Variants in PRLR observed in about 807,000 individuals in gnomAD.
PRLR encodes prolactin receptor.
In PRLR, 13 loss-of-function variants were observed where a neutral mutation model predicts 40.2. The ratio of observed to expected loss-of-function variants is 0.32; its 90% CI spans 0.21 to 0.51. The LOEUF is 0.51. Among genes scored for constraint, PRLR ranks in the 20% least tolerant of loss-of-function variants. The pLI, the probability that PRLR is intolerant of heterozygous loss-of-function variation, is 0.97. For synonymous variants in PRLR, 269 were observed against 278.7 expected (o/e 0.97, Z 0.35); for missense variants, 656 against 747.3 (o/e 0.88, Z 1.42).
intron 1 of PRLR, among the ~76,000 whole-genome samples, chr5:35,153,447 C>G (rs1026328111): frequency 6.6e-5 from 10 of 152,192 alleles, no homozygotes; most frequent in African/African-American, 2.4e-4. Context: ...GATTTAGACC[C>G]TCATCCTCAA....
intron 1 of PRLR, among the ~76,000 whole-genome samples, chr5:35,198,872 GA>G (rs1199473517): frequency 6.6e-6 from 1 of 152,190 alleles, no homozygotes; most frequent in Non-Finnish European, 1.5e-5. Context: ...GCTGTTAGCA[GA>G]TGATCTGCCT....
At chr5:35,093,613 G>A (rs1375632109) in intron 2 of PRLR, among the ~76,000 whole-genome samples, 1 of 152,200 alleles carries the variant, frequency 6.6e-6, no homozygotes, top group Admixed American at 6.5e-5. Flanking sequence ...CAGGGATTCT[G>A]AGGTTCTTTT....
intron 2 of PRLR, among the ~76,000 whole-genome samples, chr5:35,111,670 T>A (rs1396673921): frequency 2.0e-5 from 3 of 152,216 alleles, no homozygotes; most frequent in Admixed American, 1.3e-4. Context: ...TAGATCGTGT[T>A]ACAGTCATAT....
rs184580161 is a variant in PRLR at position 35,056,751 on chromosome 5, A to T, written c.*8338T>A. 7.4e-4 allele frequency: 112 copies of T among 152,262 alleles called. 1 individual carries two copies. The highest frequency in any genetic ancestry group is 2.5e-3 in the African/African-American group (102 of 41,556). 9.4% of individuals were successfully genotyped at this position (152,262 alleles called of 1,614,324 possible). A position where few individuals can be genotyped will look rare whatever the true frequency, so the allele number is the denominator to read the frequency against. On this transcript the variant is annotated 3_prime_UTR_variant, in exon 10 of 10. Coordinates refer to ENST00000618457, the MANE Select transcript of PRLR (RefSeq NM_000949.7). ...CCTTAAAAATATAAGAGGGCCCAAGAATTAAAGGCAGTTGGCTTCAATATA... is the reference window on the plus strand; with the variant it reads ...CCTTAAAAATATAAGAGGGCCCAAGTATTAAAGGCAGTTGGCTTCAATATA...
intron 1 of PRLR, among the ~76,000 whole-genome samples, chr5:35,215,565 A>T (rs1190128208): frequency 6.6e-6 from 1 of 152,166 alleles, no homozygotes; most frequent in Non-Finnish European, 1.5e-5. Flanking sequence ...CAGATGAAAA[A>T]GTGAGACAGA....
chr5:35,128,985 T>C (rs1047983379), intron 1 of PRLR, among the ~76,000 whole-genome samples: 1 of 152,190 alleles, frequency 6.6e-6, no homozygotes, highest in Non-Finnish European at 1.5e-5. Flanking sequence ...CCAGTCAGTG[T>C]TCAAAATCAG....
intron 1 of PRLR, among the ~76,000 whole-genome samples, chr5:35,152,608 G>T (rs1215070477): frequency 1.3e-5 from 2 of 152,150 alleles, no homozygotes; most frequent in Non-Finnish European, 2.9e-5. Context: ...TACAAGTATT[G>T]TCTAAGTAAG....
intron 2 of PRLR, among the ~76,000 whole-genome samples, chr5:35,108,090 A>G (rs1772391868): frequency 1.3e-5 from 2 of 152,230 alleles, no homozygotes; most frequent in Non-Finnish European, 2.9e-5. Context: ...CAATAAACGT[A>G]ATCCAGCATA....
intron 5 of PRLR, among the ~76,000 whole-genome samples, chr5:35,078,918 A>G (rs1770307222): frequency 6.6e-6 from 1 of 152,240 alleles, no homozygotes; most frequent in South Asian, 2.1e-4. Flanking sequence ...GCAAATCAAT[A>G]AATGTAATCC....
chr5:35,080,120 T>C (rs963312124), intron 5 of PRLR, among the ~76,000 whole-genome samples: 10 of 152,278 alleles, frequency 6.6e-5, no homozygotes, highest in Admixed American at 4.6e-4. Flanking sequence ...ATTCAGGACA[T>C]AGGCATGGGC....
chr5:35,211,246 C>T (rs780473252), intron 1 of PRLR, among the ~76,000 whole-genome samples: 1 of 152,110 alleles, frequency 6.6e-6, no homozygotes, highest in Non-Finnish European at 1.5e-5. Flanking sequence ...CAATTTCTCC[C>T]CCACTTTCAC....
chr5:35,102,514 T>TCCTCG (rs1771962094), intron 2 of PRLR, among the ~76,000 whole-genome samples: 1 of 128,970 alleles, frequency 7.8e-6, no homozygotes, highest in Non-Finnish European at 1.6e-5. Flanking sequence ...TCCTCTCCTC[T>TCCTCG]CCTCTCCTCT....
At chr5:35,197,342 T>C (rs964898832) in intron 1 of PRLR, among the ~76,000 whole-genome samples, 7 of 152,190 alleles carry the variant, frequency 4.6e-5, no homozygotes, top group Admixed American at 2.0e-4. Flanking sequence ...TTTTGTTTTT[T>C]CTTTCTCTGA....
At chr5:35,137,165 A>G (rs1387662058) in intron 1 of PRLR, among the ~76,000 whole-genome samples, 1 of 152,224 alleles carries the variant, frequency 6.6e-6, no homozygotes, top group East Asian at 1.9e-4. Context: ...CAGAGATAAC[A>G]ATAGACATTA....
At chr5:35,195,932 C>T (rs929631536) in intron 1 of PRLR, among the ~76,000 whole-genome samples, 2 of 152,104 alleles carry the variant, frequency 1.3e-5, no homozygotes, top group African/African-American at 4.8e-5. Context: ...CAGTCTTTAA[C>T]AGGCTCTAAG....
At chr5:35,100,217 A>C (rs1417175095) in intron 2 of PRLR, among the ~76,000 whole-genome samples, 1 of 151,674 alleles carries the variant, frequency 6.6e-6, no homozygotes, top group Non-Finnish European at 1.5e-5. Context: ...AAATGAGTTT[A>C]AGAAAGTTTA....
At chr5:35,116,676 G>A (rs1029158988) in intron 2 of PRLR, among the ~76,000 whole-genome samples, 9 of 152,176 alleles carry the variant, frequency 5.9e-5, no homozygotes, top group African/African-American at 2.2e-4. Context: ...ACGGGAGAAA[G>A]CACAGAGAAG....
At chr5:35,206,044 A>G (rs76506561) in intron 1 of PRLR, among the ~76,000 whole-genome samples, 4,389 of 152,308 alleles carry the variant, frequency 0.029, 85 homozygotes, top group Middle Eastern at 0.071. Context: ...ATGTCAGAAA[A>G]CTGTTTATCA....
At position 35,129,530 on chromosome 5, in the gene PRLR, G is replaced by A. The variant is rs545280459; in HGVS notation, c.-105-11408C>T. On this transcript the variant is annotated intron_variant, in intron 1 of 9. Coordinates refer to ENST00000618457, the MANE Select transcript of PRLR (RefSeq NM_000949.7). Reference sequence around the variant, plus strand: ...GGTCAAGGGATCAACCACAGCAAATGTGGGGTTGAAACTTAACTGGTCTCA... The same window carrying A: ...GGTCAAGGGATCAACCACAGCAAATATGGGGTTGAAACTTAACTGGTCTCA... 2.6e-5 allele frequency among the ~76,000 whole-genome samples: 4 copies of A among 152,256 alleles called. No homozygotes were observed. In the South Asian group the frequency reaches 8.3e-4, roughly 32 times the overall value.
Sources: gnomAD v4.1 joint callset for allele counts (sites outside exome capture counted in the v4.1 genomes callset) on GRCh38, gnomAD v4.1.1 for gene constraint, MANE v1.5 for transcripts, NCBI Gene and HGNC (gene_info 2026-07-23, HGNC 2026-07-21) for gene names.